Variants in IL1RL1 observed in about 807,000 individuals in gnomAD.
IL1RL1 encodes interleukin-1 receptor-like 1.
A neutral mutation model predicts 50.9 loss-of-function variants in IL1RL1; 32 were observed. The observed-to-expected ratio is 0.63, with a 90% CI of 0.47 to 0.84. The LOEUF (loss-of-function observed/expected upper bound fraction) is 0.84. IL1RL1 is among the 40% of genes least tolerant of loss of function. IL1RL1 has a pLI of 0.00. For synonymous variants in IL1RL1, 275 were observed against 236.0 expected (o/e 1.17, Z -1.51); for missense variants, 773 against 662.9 (o/e 1.17, Z -1.82).
intron 1 of IL1RL1, among the ~76,000 whole-genome samples, chr2:102,335,452 T>A (rs573188246): frequency 6.6e-6 from 1 of 152,218 alleles, no homozygotes; most frequent in African/African-American, 2.4e-5. Flanking sequence ...CTGGGTGAAC[T>A]TTGTCAAATT....
intron 1 of IL1RL1, among the ~76,000 whole-genome samples, chr2:102,334,871 G>A (rs372143138): frequency 1.8e-4 from 28 of 152,176 alleles, no homozygotes; most frequent in African/African-American, 5.3e-4. Context: ...GTTAGTTGTT[G>A]CCCTCAAAAC....
intron 1 of IL1RL1, among the ~76,000 whole-genome samples, chr2:102,323,407 A>G (rs914742023): frequency 2.2e-4 from 34 of 152,136 alleles, no homozygotes; most frequent in African/African-American, 7.5e-4. Flanking sequence ...TTGTATTGCT[A>G]TAAAATAATA....
chr2:102,329,376 C>A (rs1383571689), intron 1 of IL1RL1, among the ~76,000 whole-genome samples: 1 of 152,052 alleles, frequency 6.6e-6, no homozygotes, highest in Non-Finnish European at 1.5e-5. Context: ...GACCTAAAAC[C>A]ATAAAAACCC....
At chr2:102,325,110 G>A (rs1384246205) in intron 1 of IL1RL1, among the ~76,000 whole-genome samples, 8 of 152,166 alleles carry the variant, frequency 5.3e-5, no homozygotes, top group Non-Finnish European at 1.0e-4. Flanking sequence ...CCAGTAGGGG[G>A]CAGTCTGACA....
intron 8 of IL1RL1, chr2:102,343,755 T>G: frequency 3.4e-6 from 4 of 1,192,090 alleles, no homozygotes; most frequent in Non-Finnish European, 4.2e-6. Context: ...AACCGTAAAC[T>G]GAACGTGTTC....
Position 102,345,895 on chromosome 2 carries a change from C to A in IL1RL1, c.971-2050C>A, listed in dbSNP as rs1047641343. On this transcript the variant is annotated intron_variant, in intron 8 of 10. Coordinates refer to ENST00000233954, the MANE Select transcript of IL1RL1 (RefSeq NM_016232.5). ...CATCCATCCAGCCTGCCCACTCACA[C>A]TGCCCTTGTGTACTCCTGCTTTGCT... 21 of 985,454 alleles carry A rather than the reference C, an allele frequency of 2.1e-5. 1 individual carries two copies. In the Admixed American group the frequency reaches 2.5e-4, roughly 12 times the overall value. The allele number at this position is 985,454 out of a possible 1,614,324, so 61.0% of individuals were successfully genotyped here.
chr2:102,327,993 T>C (rs1357724850), intron 1 of IL1RL1, among the ~76,000 whole-genome samples: 1 of 152,210 alleles, frequency 6.6e-6, no homozygotes, highest in Non-Finnish European at 1.5e-5. Flanking sequence ...GAATCCTCCC[T>C]AACGCATTTT....
chr2:102,351,347 C>T (rs922802838), intron 10 of IL1RL1, among the ~76,000 whole-genome samples, 189 bp from the exon 11 acceptor site: 2 of 152,162 alleles, frequency 1.3e-5, no homozygotes, highest in Non-Finnish European at 2.9e-5. Flanking sequence ...CTGATATTCT[C>T]ACAAATGAAA....
At position 102,338,921 on chromosome 2, in the gene IL1RL1, A is replaced by G; in HGVS notation, c.146A>G (p.Tyr49Cys). 1.2e-6 allele frequency: 2 copies of G among 1,613,688 alleles called. No individual in the cohort carries two copies. Among genetic ancestry groups the G allele is most frequent in the South Asian group, 2.2e-5 (2 of 91,076 alleles). Residue 49 changes from tyrosine to cysteine, a missense_variant, in exon 3 of 11, where the codon TAT becomes TGT. Coordinates refer to ENST00000233954, the MANE Select transcript of IL1RL1 (RefSeq NM_016232.5). ...QGKPSYTVDW[Y>C]YSQTNKSIPT... ...AAACCTAGTTACACCGTGGATTGGT[A>G]TTACTCACAAACAAACAAAAGTATT...
Position 102,340,079 on chromosome 2 carries a change from G to T in IL1RL1, c.273-19G>T, listed in dbSNP as rs1677484986. ...ACAATGCTAAGTGACTCTTTTAATT[G>T]TCTGACTTATTTTAACAGTCCCACA... On this transcript the variant is annotated intron_variant, in intron 3 of 10. Transcript: ENST00000233954. The T allele has an allele frequency of 2.1e-6, 3 of 1,430,766 alleles. No individual in the cohort carries two copies. The highest frequency in any genetic ancestry group is 2.8e-6 in the Non-Finnish European group (3 of 1,076,654). The allele number at this position is 1,430,766 out of a possible 1,614,324, so 88.6% of individuals were successfully genotyped here.
Sources: allele counts gnomAD v4.1 joint callset (sites outside exome capture counted in the v4.1 genomes callset), GRCh38; gene constraint gnomAD v4.1.1; transcripts MANE v1.5; gene names NCBI Gene and HGNC (gene_info 2026-07-23, HGNC 2026-07-21).